RBFOX1: variants seen among roughly 807,000 people sequenced by gnomAD.
RBFOX1 encodes the protein RNA binding protein fox-1 homolog 1.
RBFOX1 carries 8 observed loss-of-function variants against 57.7 expected under a neutral mutation model. The ratio of observed to expected loss-of-function variants is 0.14; its 90% CI spans 0.08 to 0.25. The LOEUF (loss-of-function observed/expected upper bound fraction) is 0.25, where lower values mean the gene tolerates loss of function less well. RBFOX1 is among the 10% of genes least tolerant of loss of function. RBFOX1 has a pLI of 1.00. For synonymous variants in RBFOX1, 326 were observed against 222.4 expected (o/e 1.47, Z -4.15); for missense variants, 611 against 548.5 (o/e 1.11, Z -1.14).
intron 3 of RBFOX1, among the ~76,000 whole-genome samples, chr16:6,686,397 A>G (rs1041317316): frequency 3.3e-5 from 5 of 152,172 alleles, no homozygotes; most frequent in African/African-American, 9.7e-5. Context: ...TTTCATGTCG[A>G]TGACAGTACA....
chr16:5,355,917 C>T (rs2065376668), intron 1 of RBFOX1, among the ~76,000 whole-genome samples: 1 of 152,088 alleles, frequency 6.6e-6, no homozygotes, highest in Non-Finnish European at 1.5e-5. Flanking sequence ...ATGGCTAAAC[C>T]CCGTATCTAC....
At chr16:5,801,592 A>G (rs79266767) in intron 3 of RBFOX1, among the ~76,000 whole-genome samples, 3,463 of 152,210 alleles carry the variant, frequency 0.023, 50 homozygotes, top group South Asian at 0.046. Flanking sequence ...ACTTTGGGGA[A>G]TGAGGTTGAA....
intron 2 of RBFOX1, among the ~76,000 whole-genome samples, chr16:6,588,082 T>G (rs1252086350): frequency 6.6e-6 from 1 of 151,434 alleles, no homozygotes; most frequent in East Asian, 2.0e-4. Context: ...AATACAAAAA[T>G]TAGCTGGGCG....
chr16:5,469,930 T>C (rs969505265), intron 2 of RBFOX1, among the ~76,000 whole-genome samples: 2 of 152,244 alleles, frequency 1.3e-5, no homozygotes, highest in Admixed American at 1.3e-4. Flanking sequence ...CTACCTTTTG[T>C]CTATTGCAAA....
At chr16:7,061,568 A>T (rs955954816) in intron 4 of RBFOX1, among the ~76,000 whole-genome samples, 1 of 152,160 alleles carries the variant, frequency 6.6e-6, no homozygotes, top group Non-Finnish European at 1.5e-5. Flanking sequence ...TTTGGAGAAG[A>T]CTCAAAAAAA....
intron 1 of RBFOX1, among the ~76,000 whole-genome samples, chr16:6,261,422 C>G (rs2097700791): frequency 6.6e-6 from 1 of 152,190 alleles, no homozygotes; most frequent in African/African-American, 2.4e-5. Context: ...GCTGTTCCAG[C>G]CTCTCCCAGA....
intron 1 of RBFOX1, among the ~76,000 whole-genome samples, chr16:5,251,411 G>C (rs372767458): frequency 2.6e-5 from 4 of 152,320 alleles, no homozygotes; most frequent in Admixed American, 2.6e-4. Flanking sequence ...TTGCTGATAC[G>C]TGGTTGACTG....
chr16:5,468,831 G>A (rs2069036500), intron 2 of RBFOX1, among the ~76,000 whole-genome samples: 1 of 152,206 alleles, frequency 6.6e-6, no homozygotes, highest in Admixed American at 6.5e-5. Context: ...CAGAAACACA[G>A]TTACAAGTTG....
chr16:7,512,707 C>T (rs998799685), intron 4 of RBFOX1, among the ~76,000 whole-genome samples: 2 of 152,222 alleles, frequency 1.3e-5, no homozygotes, highest in African/African-American at 4.8e-5. Flanking sequence ...GCTTTGGCAC[C>T]AGTGGTGCCC....
At chr16:6,868,694 C>T (rs2060358201) in intron 3 of RBFOX1, among the ~76,000 whole-genome samples, 1 of 152,116 alleles carries the variant, frequency 6.6e-6, no homozygotes, top group Non-Finnish European at 1.5e-5. Flanking sequence ...CTGGTCAGAA[C>T]TTCTGATCTC....
chr16:6,983,040 C>G (rs190737029), intron 3 of RBFOX1, among the ~76,000 whole-genome samples: 9 of 149,648 alleles, frequency 6.0e-5, no homozygotes, highest in Non-Finnish European at 1.2e-4. Flanking sequence ...AACTGAGGCT[C>G]GAGCATTTTG....
At chr16:6,649,506 C>T (rs1009107434) in intron 2 of RBFOX1, among the ~76,000 whole-genome samples, 2 of 152,112 alleles carry the variant, frequency 1.3e-5, no homozygotes, top group African/African-American at 2.4e-5. Context: ...ATCTTTTATC[C>T]CTCACCACTC....
At chr16:6,348,971 A>T (rs1409475201) in intron 2 of RBFOX1, among the ~76,000 whole-genome samples, 4 of 152,192 alleles carry the variant, frequency 2.6e-5, no homozygotes, top group Non-Finnish European at 5.9e-5. Context: ...TTTGGAAGTC[A>T]AGCGCTTCAA....
chr16:7,179,122 C>G (rs17142792), intron 4 of RBFOX1, among the ~76,000 whole-genome samples: 165 of 152,048 alleles, frequency 1.1e-3, no homozygotes, highest in African/African-American at 3.7e-3. Flanking sequence ...CCAGATTACT[C>G]GAGGCATCCG....
intron 4 of RBFOX1, among the ~76,000 whole-genome samples, chr16:7,267,343 TG>T (rs1472153752): frequency 6.6e-6 from 1 of 152,094 alleles, no homozygotes; most frequent in African/African-American, 2.4e-5. Context: ...GAGACCAGCC[TG>T]GGCAACATGG....
chr16:6,418,951 G>C (rs924219729), intron 2 of RBFOX1, among the ~76,000 whole-genome samples: 1 of 152,174 alleles, frequency 6.6e-6, no homozygotes. Context: ...CAGAAGGAAA[G>C]TGATTTTGGA....
At chr16:6,025,113 A>G (rs567367303) in intron 1 of RBFOX1, among the ~76,000 whole-genome samples, 2 of 152,184 alleles carry the variant, frequency 1.3e-5, no homozygotes, top group African/African-American at 4.8e-5. Flanking sequence ...GGATATATTT[A>G]TGTCTTAAAC....
intron 1 of RBFOX1, among the ~76,000 whole-genome samples, chr16:5,393,898 G>A (rs2066479686): frequency 6.6e-6 from 1 of 152,092 alleles, no homozygotes; most frequent in African/African-American, 2.4e-5. Context: ...CCTAAGCCCT[G>A]TGATCTTTCT....
At chr16:6,379,863 A>G (rs563981462) in intron 2 of RBFOX1, among the ~76,000 whole-genome samples, 21 of 152,194 alleles carry the variant, frequency 1.4e-4, no homozygotes, top group Non-Finnish European at 2.1e-4. Context: ...AGAGAACAAG[A>G]GAAGGTTCAT....
Sources: gnomAD v4.1 joint callset for allele counts (sites outside exome capture counted in the v4.1 genomes callset) on GRCh38, gnomAD v4.1.1 for gene constraint, MANE v1.5 for transcripts, NCBI Gene and HGNC (gene_info 2026-07-23, HGNC 2026-07-21) for gene names.